Variants in SH3GLB2 observed in about 807,000 individuals in gnomAD.
The protein encoded by SH3GLB2 is endophilin-B2.
A neutral mutation model predicts 48.0 loss-of-function variants in SH3GLB2; 24 were observed. That is an observed-to-expected ratio of 0.50 (90% CI 0.36 to 0.70). The LOEUF (loss-of-function observed/expected upper bound fraction) is 0.70. SH3GLB2 is among the 30% of genes least tolerant of loss of function. The pLI, the probability that SH3GLB2 is intolerant of heterozygous loss-of-function variation, is 0.00. For synonymous variants in SH3GLB2, 227 were observed against 207.6 expected (o/e 1.09, Z -0.80); for missense variants, 425 against 516.0 (o/e 0.82, Z 1.71).
chr9:129,012,355 C>T (rs1843177894), intron 5 of SH3GLB2, 57 bp from the exon 6 acceptor site: 4 of 1,153,856 alleles, frequency 3.5e-6, no homozygotes, highest in Non-Finnish European at 4.5e-6. Context: ...GGGCCAGGGT[C>T]GAGGTCAGGA....
At chr9:129,022,671 A>G (rs1412627115) in intron 1 of SH3GLB2, among the ~76,000 whole-genome samples, 1 of 152,216 alleles carries the variant, frequency 6.6e-6, no homozygotes, top group Non-Finnish European at 1.5e-5. Flanking sequence ...AATGAAAGCT[A>G]CACTCTCTCC....
Position 129,014,311 on chromosome 9 carries a change from GGA to G in SH3GLB2, c.561+98_561+99del, listed in dbSNP as rs1344831611. On this transcript the variant is annotated intron_variant, in intron 5 of 10. Transcript: ENST00000372564. The surrounding 1 kb of genome is among the most constrained non-coding windows in gnomAD (Gnocchi z 4.1). ...CCAGGCATCTCCAGCCAGGGAGAGG[GGA>G]GAGAGGTCATGCCAAATACCAGGTC... The G allele has an allele frequency of 1.8e-5, 20 of 1,093,842 alleles. No individual in the cohort carries two copies. The highest frequency in any genetic ancestry group is 1.4e-4 in the South Asian group (10 of 71,610). 67.8% of individuals were successfully genotyped at this position (1,093,842 alleles called of 1,614,324 possible). A position where few individuals can be genotyped will look rare whatever the true frequency, so the allele number is the denominator to read the frequency against.
intron 5 of SH3GLB2, chr9:129,013,544 A>G (rs377234271): frequency 1.1e-3 from 196 of 176,462 alleles, no homozygotes; most frequent in African/African-American, 4.3e-3. Flanking sequence ...GACCCCACAC[A>G]CTTGAGTGAC....
In SH3GLB2 at chr9:129,008,779, A is replaced by G; in HGVS notation, c.1093T>C (p.Tyr365His). 1 of 1,613,956 alleles carries G rather than the reference A, an allele frequency of 6.2e-7. No individual in the cohort carries two copies. Among genetic ancestry groups the G allele is most frequent in the Non-Finnish European group, 8.5e-7 (1 of 1,179,936 alleles). Residue 365 changes from tyrosine (Y) to histidine (H), a missense_variant, in exon 11 of 11, where the codon TAC becomes CAC. Transcript: ENST00000372564. Reference protein sequence around the residue: ...ALLADELITVYSLPGMDPDWL... With the variant: ...ALLADELITVHSLPGMDPDWL... ...TCAGGGTCCATGCCAGGCAGGCTGT[A>G]GACAGTGATGAGCTGCAGAGATGGC...
At chr9:129,010,727 G>T (rs1385987149) in intron 6 of SH3GLB2, 34 bp from the exon 7 acceptor site, 12 of 1,613,436 alleles carry the variant, frequency 7.4e-6, no homozygotes, top group Non-Finnish European at 1.0e-5. Flanking sequence ...GCCAGCAGGG[G>T]AGGGGAGAGG....
chr9:129,026,392 G>A (rs1375196711), intron 1 of SH3GLB2, among the ~76,000 whole-genome samples: 1 of 152,186 alleles, frequency 6.6e-6, no homozygotes, highest in Non-Finnish European at 1.5e-5. Context: ...TCACATTTCA[G>A]GCCTCTCTAT....
rs539057392 is a variant in SH3GLB2 at position 129,023,678 on chromosome 9, G to A, written c.64-1255C>T. ...CTGGCTGCAGTTGGCTCCAGCTGCG[G>A]TGGGGGGTGGCGGGCTGGGCGGCCA... On this transcript the variant is annotated intron_variant, in intron 1 of 10. Coordinates refer to ENST00000372564, the MANE Select transcript of SH3GLB2 (RefSeq NM_020145.4). 4.9e-4 allele frequency among the ~76,000 whole-genome samples: 74 copies of A among 152,294 alleles called. 1 individual carries two copies. Among genetic ancestry groups the A allele is most frequent in the African/African-American group, 1.6e-3 (68 of 41,564 alleles).
chr9:129,008,452 GA>G lies in SH3GLB2; in HGVS notation c.*231del, dbSNP rs1350576882. The G allele has an allele frequency of 1.6e-5, 8 of 495,314 alleles. No homozygotes were observed. The highest frequency in any genetic ancestry group is 2.6e-5 in the Non-Finnish European group (7 of 269,464). The allele number at this position is 495,314 out of a possible 1,614,324, so 30.7% of individuals were successfully genotyped here. On this transcript the variant is annotated 3_prime_UTR_variant, in exon 11 of 11. Transcript: ENST00000372564. ...GAGCCTGGAGGGTGGGGTGCTCGGG[GA>G]TGCAGGCAGGGGCAGGGGCTCCAGA...
chr9:129,009,634 G>T, intron 9 of SH3GLB2, 137 bp downstream of exon 9: 1 of 1,377,034 alleles, frequency 7.3e-7, no homozygotes, highest in Non-Finnish European at 1.0e-6. Context: ...TGAGATGCCC[G>T]CACCCAGAGT....
chr9:129,019,567 G>A (rs1843650751), intron 3 of SH3GLB2, among the ~76,000 whole-genome samples: 1 of 151,404 alleles, frequency 6.6e-6, no homozygotes, highest in Admixed American at 6.6e-5. Flanking sequence ...TTAGCTGGGA[G>A]TGGTGGTGGG....
intron 6 of SH3GLB2, 58 bp from the exon 7 acceptor site, chr9:129,010,751 C>T: frequency 1.2e-6 from 2 of 1,607,050 alleles, no homozygotes; most frequent in Non-Finnish European, 1.7e-6. Flanking sequence ...ACAGCTGGAC[C>T]CTAGAGCCTG....
At chr9:129,020,904 C>A (rs1843749978) in intron 3 of SH3GLB2, among the ~76,000 whole-genome samples, 187 bp downstream of exon 3, 1 of 151,796 alleles carries the variant, frequency 6.6e-6, no homozygotes, top group Non-Finnish European at 1.5e-5. Context: ...CACACACACA[C>A]AAACCAAAAC....
intron 1 of SH3GLB2, among the ~76,000 whole-genome samples, 160 bp downstream of exon 1, chr9:129,027,932 T>C (rs544747206): frequency 5.9e-4 from 90 of 152,306 alleles, no homozygotes; most frequent in African/African-American, 2.0e-3. Context: ...TCTTTCCCTC[T>C]TCCGGTCAGC....
At chr9:129,016,948 G>A (rs1367613135) in intron 3 of SH3GLB2, among the ~76,000 whole-genome samples, 1 of 143,488 alleles carries the variant, frequency 7.0e-6, no homozygotes, top group African/African-American at 2.6e-5. Flanking sequence ...TGAATACTCT[G>A]CTCTTTTTTT....
At chr9:129,009,030 C>A in intron 10 of SH3GLB2, 76 bp downstream of exon 10, 1 of 1,589,108 alleles carries the variant, frequency 6.3e-7, no homozygotes. Context: ...CCTCCAGGCC[C>A]CATGTGCCTG....
intron 7 of SH3GLB2, 140 bp downstream of exon 7, chr9:129,010,530 G>T: frequency 1.1e-6 from 1 of 949,374 alleles, no homozygotes; most frequent in Non-Finnish European, 1.6e-6. Context: ...GGGAAACTGA[G>T]GCCCAGGGAG....
At position 129,021,081 on chromosome 9, in the gene SH3GLB2, G is replaced by T; in HGVS notation, c.334+10C>A. ...ATGACCCCTAGTCCCTGGCTGTGAG[G>T]CCTGCTCACCATAGGGGGTGGTCGG... On this transcript the variant is annotated intron_variant, in intron 3 of 10. Coordinates refer to ENST00000372564, the MANE Select transcript of SH3GLB2 (RefSeq NM_020145.4). 6.3e-7 allele frequency: 1 copy of T among 1,588,436 alleles called. No homozygotes were observed.
At chr9:129,010,051 C>T in intron 8 of SH3GLB2, 69 bp downstream of exon 8, 1 of 1,521,550 alleles carries the variant, frequency 6.6e-7, no homozygotes, top group East Asian at 2.3e-5. Flanking sequence ...GCCCTGCTGA[C>T]CTTGTGGTTC....
At chr9:129,009,519 C>A in intron 9 of SH3GLB2, 173 bp from the exon 10 acceptor site, 1 of 1,548,268 alleles carries the variant, frequency 6.5e-7, no homozygotes, top group Admixed American at 2.0e-5. Flanking sequence ...ATGGCCCCAC[C>A]CCCTGGTCCC....
Sources: allele counts gnomAD v4.1 joint callset (sites outside exome capture counted in the v4.1 genomes callset), GRCh38; gene constraint gnomAD v4.1.1; non-coding constraint Gnocchi (gnomAD v3.1); transcripts MANE v1.5; gene names NCBI Gene and HGNC (gene_info 2026-07-23, HGNC 2026-07-21).